Variants in NCS1 observed in about 807,000 individuals in gnomAD.
NCS1 encodes the protein neuronal calcium sensor 1.
In NCS1, 6 loss-of-function variants were observed where a neutral mutation model predicts 28.4. That is an observed-to-expected ratio of 0.21 (90% CI 0.12 to 0.42). The LOEUF is 0.42. Among genes scored for constraint, NCS1 ranks in the 10% least tolerant of loss-of-function variants. The pLI is 1.00. For synonymous variants in NCS1, 86 were observed against 99.3 expected, an observed-to-expected ratio of 0.87 and a Z score of 0.79; for missense variants, 131 against 241.4, an observed-to-expected ratio of 0.54 and a Z score of 3.03.
At position 130,217,817 on chromosome 9, in the gene NCS1, G is replaced by T; in HGVS notation, c.90-15G>T. 2 of 1,614,116 alleles carry T rather than the reference G, an allele frequency of 1.2e-6. No individual in the cohort carries two copies. The highest frequency in any genetic ancestry group is 1.7e-6 in the Non-Finnish European group (2 of 1,180,016). ...CGTCTCCTTTACCCTCTCTGGCCCG[G>T]TCTGCTGCCTCCAGGTACAAAGGCT... is the stretch of plus-strand genomic sequence containing the variant. On this transcript the variant is annotated splice_polypyrimidine_tract_variant and intron_variant, in intron 2 of 7. Coordinates refer to ENST00000372398, the MANE Select transcript of NCS1 (RefSeq NM_014286.4).
At chr9:130,176,369 T>A (rs559149958) in intron 1 of NCS1, among the ~76,000 whole-genome samples, 1 of 150,302 alleles carries the variant, frequency 6.7e-6, no homozygotes, top group South Asian at 2.1e-4. Flanking sequence ...ATTAAAAACA[T>A]TTTTTTTGTA....
At chr9:130,205,815 C>T (rs1293387839) in intron 2 of NCS1, among the ~76,000 whole-genome samples, 1 of 150,354 alleles carries the variant, frequency 6.7e-6, no homozygotes, top group Non-Finnish European at 1.5e-5. Context: ...GCTTAGGTGA[C>T]AGAGTGAGAC....
chr9:130,220,924 G>A (rs1833274848), intron 4 of NCS1, among the ~76,000 whole-genome samples: 1 of 151,964 alleles, frequency 6.6e-6, no homozygotes, highest in African/African-American at 2.4e-5. Flanking sequence ...GGAGAGGGGT[G>A]CTCCTCTGGG....
chr9:130,221,350 A>G (rs1220963600), intron 4 of NCS1, among the ~76,000 whole-genome samples: 2 of 137,712 alleles, frequency 1.5e-5, no homozygotes, highest in Non-Finnish European at 3.0e-5. Context: ...ATATATATAT[A>G]AAATATTTAA....
intron 7 of NCS1, among the ~76,000 whole-genome samples, chr9:130,227,338 G>A (rs1034740636): frequency 2.0e-5 from 3 of 152,150 alleles, no homozygotes; most frequent in Non-Finnish European, 4.4e-5. Flanking sequence ...TGTGAATAAC[G>A]TCCAAGGTAT....
rs1272390355 is a variant in NCS1 at position 130,177,404 on chromosome 9, G to C, written c.64+4677G>C. ...GGACAAAGCTGGGGGTTGTGTGATGGCTGCGTGGGGACATGGAGGGCCCAC... is the reference window on the plus strand; with the variant it reads ...GGACAAAGCTGGGGGTTGTGTGATGCCTGCGTGGGGACATGGAGGGCCCAC... On this transcript the variant is annotated intron_variant, in intron 1 of 7. Transcript: ENST00000372398. The surrounding 1 kb of genome is among the most constrained non-coding windows in gnomAD (Gnocchi z 4.4). 6.6e-6 allele frequency among the ~76,000 whole-genome samples: 1 copy of C among 152,206 alleles called. No individual in the cohort carries two copies. The highest frequency in any genetic ancestry group is 1.9e-4 in the East Asian group (1 of 5,194).
At chr9:130,205,562 G>A (rs541554532) in intron 2 of NCS1, among the ~76,000 whole-genome samples, 1 of 150,984 alleles carries the variant, frequency 6.6e-6, no homozygotes, top group Non-Finnish European at 1.5e-5. Context: ...AAAAGCCTGG[G>A]CACGGTGGCC....
chr9:130,189,878 AAATATATATAT>A (rs1564704635), intron 1 of NCS1, among the ~76,000 whole-genome samples: 2 of 51,988 alleles, frequency 3.8e-5, no homozygotes, highest in Admixed American at 5.1e-4. Context: ...AAAAAAAAAA[AAATATATATAT>A]ATATATATAT....
intron 1 of NCS1, among the ~76,000 whole-genome samples, chr9:130,189,011 C>T (rs1262611896): frequency 6.6e-6 from 1 of 152,178 alleles, no homozygotes; most frequent in African/African-American, 2.4e-5. Context: ...GCCACTGGGC[C>T]CAGCTGAGCT....
chr9:130,197,889 C>T (rs1040035303), intron 1 of NCS1, among the ~76,000 whole-genome samples: 2 of 151,110 alleles, frequency 1.3e-5, no homozygotes, highest in South Asian at 2.1e-4. Flanking sequence ...CACTTGAACC[C>T]GGGAGGTGGA....
Position 130,213,487 on chromosome 9 carries a change from G to A in NCS1, c.90-4345G>A, listed in dbSNP as rs149247228. ...GTAGAGACGGGGTTTCACCGTGTCA[G>A]CCAGGATGGTCTCCATCTCCTGACC... On this transcript the variant is annotated intron_variant, in intron 2 of 7. Coordinates refer to ENST00000372398, the MANE Select transcript of NCS1 (RefSeq NM_014286.4). Among the ~76,000 whole-genome samples the A allele has an allele frequency of 3.0e-4, 46 of 152,138 alleles. No individual in the cohort carries two copies. The East Asian group carries it at 8.9e-3, about 30-fold the overall frequency.
Position 130,232,252 on chromosome 9 carries a change from T to C in NCS1, c.*18-738T>C, listed in dbSNP as rs940180876. Among the ~76,000 whole-genome samples the C allele has an allele frequency of 5.3e-5, 8 of 152,092 alleles. 1 individual carries two copies. The highest frequency in any genetic ancestry group is 1.2e-4 in the Non-Finnish European group (8 of 68,026). On this transcript the variant is annotated intron_variant, in intron 7 of 7. Transcript: ENST00000372398. The surrounding 1 kb of genome is among the most constrained non-coding windows in gnomAD (Gnocchi z 4.4). Reference sequence around the variant, plus strand: ...TTGACCCACCACTCCTGGCCCTCCCTGTGGCTTTGATGTGTGTTTCCCTAA... The same window carrying C: ...TTGACCCACCACTCCTGGCCCTCCCCGTGGCTTTGATGTGTGTTTCCCTAA...
Position 130,223,070 on chromosome 9 carries a change from C to T in NCS1, c.397-12C>T. 1 of 1,612,854 alleles carries T rather than the reference C, an allele frequency of 6.2e-7. No homozygotes were observed. Among genetic ancestry groups the T allele is most frequent in the Non-Finnish European group, 8.5e-7 (1 of 1,178,996 alleles). The stretch of plus-strand genomic sequence containing the variant: ...GTGCCAGGGCCCACCCCCGCCTTGT[C>T]CGTCCCTGCAGGGGAATACCGTGGA... On this transcript the variant is annotated splice_polypyrimidine_tract_variant and intron_variant, in intron 5 of 7. Coordinates refer to ENST00000372398, the MANE Select transcript of NCS1 (RefSeq NM_014286.4).
At chr9:130,178,826 A>T (rs1832612109) in intron 1 of NCS1, among the ~76,000 whole-genome samples, 1 of 102,742 alleles carries the variant, frequency 9.7e-6, no homozygotes, top group Non-Finnish European at 1.8e-5. Context: ...ACTCAGTAGG[A>T]CTTGGTTTCC....
At chr9:130,172,795 C>A (rs1357211370) in intron 1 of NCS1, 68 bp downstream of exon 1, 99 of 889,910 alleles carry the variant, frequency 1.1e-4, no homozygotes, top group Non-Finnish European at 1.5e-4. Context: ...CGCCCCCGCC[C>A]CCCGGACCCG....
At chr9:130,224,963 G>A (rs1833390983) in intron 6 of NCS1, among the ~76,000 whole-genome samples, 1 of 152,164 alleles carries the variant, frequency 6.6e-6, no homozygotes, top group African/African-American at 2.4e-5. Flanking sequence ...AGGCCAAGGC[G>A]AGTGGATCAC....
At chr9:130,221,399 TATATATATATATATAGAGAGAGAG>T (rs1281098211) in intron 4 of NCS1, among the ~76,000 whole-genome samples, 46 of 49,992 alleles carry the variant, frequency 9.2e-4, no homozygotes, top group East Asian at 1.6e-3. Context: ...TATATATATA[TATATATATATATATAGAGAGAGAG>T]AGAGAGAGAG....
chr9:130,218,834 A>C (rs1554909777), intron 3 of NCS1, among the ~76,000 whole-genome samples: 1 of 151,866 alleles, frequency 6.6e-6, no homozygotes, highest in African/African-American at 2.4e-5. Context: ...CAGATGATCC[A>C]CCCACCTTGG....
At chr9:130,201,429 C>T (rs555794817) in intron 2 of NCS1, among the ~76,000 whole-genome samples, 7 of 152,210 alleles carry the variant, frequency 4.6e-5, no homozygotes, top group South Asian at 2.1e-4. Context: ...TTCAATCTGT[C>T]GTAGCTGCCT....
Sources: allele counts gnomAD v4.1 joint callset (sites outside exome capture counted in the v4.1 genomes callset), GRCh38; gene constraint gnomAD v4.1.1; non-coding constraint Gnocchi (gnomAD v3.1); transcripts MANE v1.5; gene names NCBI Gene and HGNC (gene_info 2026-07-23, HGNC 2026-07-21).